The following BCAS3 variants were observed in gnomAD, a reference collection of about 807,000 sequenced individuals.
BCAS3 encodes the protein BCAS3 microtubule associated cell migration factor.
In BCAS3, 53 loss-of-function variants were observed where a neutral mutation model predicts 116.1. The ratio of observed to expected loss-of-function variants is 0.46; its 90% confidence interval spans 0.37 to 0.57. The LOEUF (loss-of-function observed/expected upper bound fraction) is 0.57, where lower values mean the gene tolerates loss of function less well. BCAS3 is among the 20% of genes least tolerant of loss of function. The pLI, the probability that BCAS3 is intolerant of heterozygous loss-of-function variation, is 0.00. For synonymous variants in BCAS3, 391 were observed against 408.2 expected (o/e 0.96, Z 0.51); for missense variants, 917 against 1,165.4 (o/e 0.79, Z 3.10).
At chr17:61,190,291 C>G (rs2080024262) in intron 22 of BCAS3, among the ~76,000 whole-genome samples, 1 of 151,944 alleles carries the variant, frequency 6.6e-6, no homozygotes, top group Non-Finnish European at 1.5e-5. Flanking sequence ...TTTGGGAGGC[C>G]AAGGCGGGTG....
intron 9 of BCAS3, among the ~76,000 whole-genome samples, chr17:60,879,992 G>A (rs376179460): frequency 6.6e-6 from 1 of 152,132 alleles, no homozygotes; most frequent in African/African-American, 2.4e-5. Context: ...AGATGGAAAA[G>A]GTTACTATGA....
At chr17:60,822,166 T>C (rs2050023091) in intron 7 of BCAS3, among the ~76,000 whole-genome samples, 2 of 152,230 alleles carry the variant, frequency 1.3e-5, no homozygotes, top group African/African-American at 4.8e-5. Context: ...AGATGCATGC[T>C]TTTCAAAGTG....
At chr17:61,070,081 C>T (rs953772907) in intron 19 of BCAS3, 8 of 1,581,154 alleles carry the variant, frequency 5.1e-6, no homozygotes, top group Non-Finnish European at 6.9e-6. Flanking sequence ...GAGAAACAAG[C>T]TTGACCACTA....
rs538991915 is a variant in BCAS3 at position 61,363,430 on chromosome 17, G to A, written c.2426-4897G>A. On this transcript the variant is annotated intron_variant, in intron 22 of 23. Coordinates refer to ENST00000407086, the MANE Select transcript of BCAS3 (RefSeq NM_017679.5). This position sits in a 1 kb window ranked among gnomAD's most constrained non-coding sequence, Gnocchi z 4.9. ...GAAAGGCAAGAATCCCCAGGAGATA[G>A]CCTGCGAAGACTGTTGCACTTACAA... Among the ~76,000 whole-genome samples, 3 of 152,144 alleles carry A rather than the reference G, an allele frequency of 2.0e-5. No homozygotes were observed. Among genetic ancestry groups the A allele is most frequent in the Non-Finnish European group, 4.4e-5 (3 of 68,038 alleles).
intron 22 of BCAS3, among the ~76,000 whole-genome samples, chr17:61,163,234 C>T (rs904041395): frequency 3.3e-5 from 5 of 151,928 alleles, no homozygotes; most frequent in Non-Finnish European, 7.4e-5. Context: ...ACCATCCTGG[C>T]TAACACGGTG....
At chr17:61,374,099 A>AGCCACTGC in intron 23 of BCAS3, among the ~76,000 whole-genome samples, 1 of 150,282 alleles carries the variant, frequency 6.7e-6, no homozygotes, top group Non-Finnish European at 1.5e-5. Context: ...TACAGGCATG[A>AGCCACTGC]ACCGCAGTTC....
chr17:60,823,072 G>A (rs558524220), intron 7 of BCAS3, among the ~76,000 whole-genome samples: 2 of 152,216 alleles, frequency 1.3e-5, no homozygotes, highest in South Asian at 4.1e-4. Flanking sequence ...GAGCCAGTAT[G>A]GTTTCTAGTG....
intron 9 of BCAS3, chr17:60,886,395 C>T (rs1324703127): frequency 6.6e-6 from 1 of 151,386 alleles, no homozygotes; most frequent in Non-Finnish European, 1.5e-5. Flanking sequence ...TTTGAATGTC[C>T]TCCCGTAGCT....
At chr17:60,791,256 T>C (rs2046746397) in intron 6 of BCAS3, among the ~76,000 whole-genome samples, 3 of 152,230 alleles carry the variant, frequency 2.0e-5, no homozygotes, top group Admixed American at 2.0e-4. Flanking sequence ...TTAAAAAGTA[T>C]TAGTTAAGTC....
intron 6 of BCAS3, among the ~76,000 whole-genome samples, chr17:60,764,329 A>G (rs1010771717): frequency 1.3e-4 from 20 of 152,132 alleles, no homozygotes; most frequent in Admixed American, 5.9e-4. Flanking sequence ...TCTTGTGGGC[A>G]TTTAGTGCTA....
At chr17:61,283,051 C>T (rs2051376725) in intron 22 of BCAS3, among the ~76,000 whole-genome samples, 1 of 151,744 alleles carries the variant, frequency 6.6e-6, no homozygotes, top group Admixed American at 6.6e-5. Flanking sequence ...ACTATGATGT[C>T]GTGATGTTGT....
rs1043071709 is a variant in BCAS3, at chr17:61,392,309, A to G, written c.*184A>G. 3 of 680,230 alleles carry G rather than the reference A, an allele frequency of 4.4e-6. No individual in the cohort carries two copies. Among genetic ancestry groups the G allele is most frequent in the African/African-American group, 1.8e-5 (1 of 54,950 alleles). 42.1% of individuals were successfully genotyped at this position (680,230 alleles called of 1,614,324 possible). A position where few individuals can be genotyped will look rare whatever the true frequency, so the allele number is the denominator to read the frequency against. On this transcript the variant is annotated 3_prime_UTR_variant, in exon 24 of 24. Transcript: ENST00000407086. This position sits in a 1 kb window ranked among gnomAD's most constrained non-coding sequence, Gnocchi z 6.4. ...GACCCTTCTCCAAGCACCTCAGCGC[A>G]CTTGCCCTCTGCCACACCTGTCGGT... is the stretch of plus-strand genomic sequence containing the variant.
intron 10 of BCAS3, among the ~76,000 whole-genome samples, chr17:60,894,743 T>C (rs1245926815): frequency 1.3e-5 from 2 of 152,226 alleles, no homozygotes; most frequent in Non-Finnish European, 2.9e-5. Context: ...AATTTCCTTC[T>C]ATGCCTAGTT....
At position 61,200,522 on chromosome 17, in the gene BCAS3, A is replaced by T. The variant is rs975370135; in HGVS notation, c.2425+115958A>T. Among the ~76,000 whole-genome samples, 5 of 152,222 alleles carry T rather than the reference A, an allele frequency of 3.3e-5. No individual in the cohort carries two copies. The highest frequency in any genetic ancestry group is 1.2e-4 in the African/African-American group (5 of 41,450). ...AGGCCGTATGGTAAATCAATGACCGAGCTGGTGTGGAATGTTAGCCTCCTG... is the reference window on the plus strand; with the variant it reads ...AGGCCGTATGGTAAATCAATGACCGTGCTGGTGTGGAATGTTAGCCTCCTG... On this transcript the variant is annotated intron_variant, in intron 22 of 23. Transcript: ENST00000407086. This position sits in a 1 kb window ranked among gnomAD's most constrained non-coding sequence, Gnocchi z 5.1.
Position 61,325,895 on chromosome 17 carries a change from G to C in BCAS3, c.2426-42432G>C, listed in dbSNP as rs2055689514. Among the ~76,000 whole-genome samples, 1 of 152,230 alleles carries C rather than the reference G, an allele frequency of 6.6e-6. No individual in the cohort carries two copies. The highest frequency in any genetic ancestry group is 1.5e-5 in the Non-Finnish European group (1 of 68,044). Reference sequence around the variant, plus strand: ...ATGTTTCTCTCACTAGAGACTCACTGTATCTGTATCCAGATTAAATCTGGC... The same window carrying C: ...ATGTTTCTCTCACTAGAGACTCACTCTATCTGTATCCAGATTAAATCTGGC... On this transcript the variant is annotated intron_variant, in intron 22 of 23. Transcript: ENST00000407086. This position sits in a 1 kb window ranked among gnomAD's most constrained non-coding sequence, Gnocchi z 6.4.
chr17:60,819,869 C>T (rs1210865427), intron 7 of BCAS3, among the ~76,000 whole-genome samples: 1 of 152,100 alleles, frequency 6.6e-6, no homozygotes, highest in Non-Finnish European at 1.5e-5. Flanking sequence ...ATCAAACAGT[C>T]CTCACACCTC....
chr17:60,683,613 C>T (rs1046612963), intron 2 of BCAS3, among the ~76,000 whole-genome samples: 7 of 132,286 alleles, frequency 5.3e-5, no homozygotes. Flanking sequence ...GGGAGGATCG[C>T]TTGAGCTCAG....
At chr17:60,881,272 C>T (rs2056119770) in intron 9 of BCAS3, among the ~76,000 whole-genome samples, 1 of 152,128 alleles carries the variant, frequency 6.6e-6, no homozygotes, top group Non-Finnish European at 1.5e-5. Flanking sequence ...CCGCACCTGG[C>T]CTGGTCTTTT....
chr17:61,001,543 G>A (rs1311057303), intron 15 of BCAS3, among the ~76,000 whole-genome samples: 1 of 152,042 alleles, frequency 6.6e-6, no homozygotes, highest in Non-Finnish European at 1.5e-5. Context: ...GTTTCCATGT[G>A]CATGTTTTAA....
Sources: gnomAD v4.1 joint callset for allele counts (sites outside exome capture counted in the v4.1 genomes callset) on GRCh38, gnomAD v4.1.1 for gene constraint, Gnocchi (gnomAD v3.1) non-coding constraint, MANE v1.5 for transcripts, NCBI Gene and HGNC (gene_info 2026-07-23, HGNC 2026-07-21) for gene names.